The following LINGO2 variants were observed in gnomAD, a reference collection of about 807,000 sequenced individuals.
The protein encoded by LINGO2 is leucine-rich repeat and immunoglobulin-like domain-containing nogo receptor-interacting protein 2.
Under a neutral mutation model 30.6 loss-of-function variants are expected in LINGO2, and 14 were observed. The ratio of observed to expected loss-of-function variants is 0.46; its 90% confidence interval spans 0.30 to 0.72. LINGO2 has a LOEUF of 0.72. Ranked by LOEUF, LINGO2 falls within the 30% of genes least tolerant of loss-of-function variation. The pLI is 0.07. For missense variants in LINGO2, 729 were observed against 751.7 expected, an observed-to-expected ratio of 0.97 and a Z score of 0.35; for synonymous variants, 317 against 288.5, an observed-to-expected ratio of 1.10 and a Z score of -1.00.
At chr9:28,937,163 T>C in the LINGO2 span, among the ~76,000 whole-genome samples, 1 of 152,124 alleles carries the variant, frequency 6.6e-6, no homozygotes. Flanking sequence ...CCCCCAAAAT[T>C]CATGTTCTCT....
At chr9:28,779,283 T>C in the LINGO2 span, among the ~76,000 whole-genome samples, 5 of 152,162 alleles carry the variant, frequency 3.3e-5, no homozygotes, top group Non-Finnish European at 7.4e-5. Flanking sequence ...TTAGCACTTT[T>C]ATTTTGGGCA....
At chr9:28,449,032 C>CATGT (rs375041571) in intron 2 of LINGO2, among the ~76,000 whole-genome samples, 15 of 137,994 alleles carry the variant, frequency 1.1e-4, no homozygotes, top group African/African-American at 4.0e-4. Flanking sequence ...TATTCACATT[C>CATGT]GTGTGTGTGT....
At chr9:28,189,830 C>G (rs570343850) in intron 4 of LINGO2, among the ~76,000 whole-genome samples, 1 of 152,164 alleles carries the variant, frequency 6.6e-6, no homozygotes, top group South Asian at 2.1e-4. Flanking sequence ...GGCAGCCACT[C>G]TGGTTCTGTG....
chr9:28,542,838 A>G (rs1821761791), intron 1 of LINGO2, among the ~76,000 whole-genome samples: 1 of 151,998 alleles, frequency 6.6e-6, no homozygotes, highest in Admixed American at 6.6e-5. Flanking sequence ...CAGTGCATGA[A>G]CCACACTTGG....
Position 28,345,724 on chromosome 9 carries a change from A to G in LINGO2, c.-246+27112T>C, listed in dbSNP as rs1186169153. On this transcript the variant is annotated intron_variant, in intron 3 of 5. Transcript: ENST00000379992. The stretch of plus-strand genomic sequence containing the variant: ...CCAAAGCAAACTCTTCTTGACTCTC[A>G]TTGTGATAAAATCACTACTGTGGCC... Among the ~76,000 whole-genome samples, 2 of 152,166 alleles carry G rather than the reference A, an allele frequency of 1.3e-5. 1 individual carries two copies. Among genetic ancestry groups the G allele is most frequent in the African/African-American group, 4.8e-5 (2 of 41,458 alleles).
the LINGO2 span, among the ~76,000 whole-genome samples, chr9:28,687,277 T>C: frequency 6.6e-6 from 1 of 152,138 alleles, no homozygotes; most frequent in Non-Finnish European, 1.5e-5. Context: ...TATTCTTGAA[T>C]ATAGTTATCC....
intron 3 of LINGO2, among the ~76,000 whole-genome samples, chr9:28,344,917 G>A (rs964328039): frequency 6.6e-6 from 1 of 151,984 alleles, no homozygotes; most frequent in Non-Finnish European, 1.5e-5. Flanking sequence ...ATCCACAAAG[G>A]AGCCACAGAT....
At position 28,050,853 on chromosome 9, in the gene LINGO2, T is replaced by G. The variant is rs1034005668; in HGVS notation, c.-86-38448A>C. Reference sequence around the variant, plus strand: ...TGTGTAAGTGGGGCAAATGTTCAATTTGGTGATTTTATATAAGTTGAAAGA... The same window carrying G: ...TGTGTAAGTGGGGCAAATGTTCAATGTGGTGATTTTATATAAGTTGAAAGA... On this transcript the variant is annotated intron_variant, in intron 4 of 5. Transcript: ENST00000379992. Among the ~76,000 whole-genome samples the G allele has an allele frequency of 2.6e-5, 4 of 151,000 alleles. 1 individual carries two copies. In the East Asian group the frequency reaches 7.8e-4, roughly 30 times the overall value.
intron 4 of LINGO2, among the ~76,000 whole-genome samples, chr9:28,025,730 A>T (rs1823344145): frequency 6.6e-6 from 1 of 152,218 alleles, no homozygotes; most frequent in Non-Finnish European, 1.5e-5. Flanking sequence ...AGAAAAGCAT[A>T]CAGATTTGAA....
At chr9:27,988,535 C>G (rs929401234) in intron 5 of LINGO2, among the ~76,000 whole-genome samples, 1 of 151,914 alleles carries the variant, frequency 6.6e-6, no homozygotes, top group Non-Finnish European at 1.5e-5. Context: ...TTTTAATGAT[C>G]GTCATTCTAA....
chr9:29,097,477 A>C, the LINGO2 span, among the ~76,000 whole-genome samples: 1 of 138,592 alleles, frequency 7.2e-6, no homozygotes, highest in South Asian at 2.3e-4. Flanking sequence ...GTAATTAGAA[A>C]ATGTTGACAT....
At chr9:29,207,742 G>A in the LINGO2 span, among the ~76,000 whole-genome samples, 6 of 151,956 alleles carry the variant, frequency 3.9e-5, no homozygotes. Flanking sequence ...TCTAGGGAAG[G>A]AAATGGTATT....
chr9:28,898,033 C>A, the LINGO2 span, among the ~76,000 whole-genome samples: 1 of 152,060 alleles, frequency 6.6e-6, no homozygotes, highest in Admixed American at 6.6e-5. Flanking sequence ...AGAAATAATT[C>A]TTTCCATAGG....
chr9:28,430,477 T>C (rs1823618868), intron 2 of LINGO2, among the ~76,000 whole-genome samples: 2 of 152,180 alleles, frequency 1.3e-5, no homozygotes, highest in Admixed American at 1.3e-4. Flanking sequence ...ACGTAACTCT[T>C]TTCCTAGAAT....
At chr9:28,947,367 C>A in the LINGO2 span, among the ~76,000 whole-genome samples, 1 of 152,000 alleles carries the variant, frequency 6.6e-6, no homozygotes, top group African/African-American at 2.4e-5. Context: ...CACTCTTGAG[C>A]CATTTGCTAG....
chr9:28,341,917 T>A (rs1339072750), intron 3 of LINGO2, among the ~76,000 whole-genome samples: 1 of 152,140 alleles, frequency 6.6e-6, no homozygotes, highest in Non-Finnish European at 1.5e-5. Context: ...CTGTGACCAA[T>A]AACACATTTA....
At chr9:28,252,028 T>C (rs1458392882) in intron 4 of LINGO2, among the ~76,000 whole-genome samples, 9 of 152,184 alleles carry the variant, frequency 5.9e-5, no homozygotes, top group Non-Finnish European at 1.2e-4. Flanking sequence ...AGCCTCAGTT[T>C]CTCTATTTTC....
chr9:28,625,806 G>A (rs1180471460), intron 1 of LINGO2, among the ~76,000 whole-genome samples: 1 of 151,962 alleles, frequency 6.6e-6, no homozygotes, highest in Non-Finnish European at 1.5e-5. Flanking sequence ...CTTAGTCACT[G>A]TTTGCATCGT....
chr9:28,141,361 C>A (rs1367796103), intron 4 of LINGO2, among the ~76,000 whole-genome samples: 1 of 152,198 alleles, frequency 6.6e-6, no homozygotes, highest in Non-Finnish European at 1.5e-5. Context: ...GTGTTTGTAA[C>A]AAGACTGGCA....
Sources: allele counts gnomAD v4.1 joint callset (sites outside exome capture counted in the v4.1 genomes callset), GRCh38; gene constraint gnomAD v4.1.1; transcripts MANE v1.5; gene names NCBI Gene and HGNC (gene_info 2026-07-23, HGNC 2026-07-21).